C6: variants seen among roughly 807,000 people sequenced by gnomAD.
The protein encoded by C6 is complement component C6.
Under a neutral mutation model 112.9 loss-of-function variants are expected in C6, and 101 were observed. The observed-to-expected ratio is 0.89, with a 90% CI of 0.76 to 1.06. C6 has a LOEUF of 1.06. Among genes scored for constraint, C6 ranks in the 50% least tolerant of loss-of-function variants. C6 has a pLI of 0.00. For synonymous variants in C6, 431 were observed against 384.1 expected, an observed-to-expected ratio of 1.12 and a Z score of -1.43; for missense variants, 1,202 against 1,104.6, an observed-to-expected ratio of 1.09 and a Z score of -1.25.
At chr5:41,244,772 A>G (rs913871592) in intron 1 of C6, among the ~76,000 whole-genome samples, 2 of 152,142 alleles carry the variant, frequency 1.3e-5, no homozygotes, top group African/African-American at 4.8e-5. Context: ...AGTTAATATC[A>G]CAAAATTCAA....
chr5:41,144,341 C>T (rs1745614649), intron 17 of C6, among the ~76,000 whole-genome samples: 1 of 152,068 alleles, frequency 6.6e-6, no homozygotes, highest in Non-Finnish European at 1.5e-5. Flanking sequence ...AATCATGGCT[C>T]ACTGCACCCT....
At chr5:41,199,075 A>G (rs1254097471) in intron 4 of C6, among the ~76,000 whole-genome samples, 1 of 152,176 alleles carries the variant, frequency 6.6e-6, no homozygotes, top group East Asian at 1.9e-4. Flanking sequence ...AAAAGCTGGC[A>G]AAGCTGAGGG....
chr5:41,241,158 G>T (rs1236517441), intron 1 of C6, among the ~76,000 whole-genome samples: 1 of 152,182 alleles, frequency 6.6e-6, no homozygotes, highest in African/African-American at 2.4e-5. Context: ...CCCAGCAGCA[G>T]CAGGCTATCC....
intron 1 of C6, among the ~76,000 whole-genome samples, chr5:41,257,643 G>A (rs1208031400): frequency 6.6e-6 from 1 of 152,118 alleles, no homozygotes; most frequent in African/African-American, 2.4e-5. Flanking sequence ...TATGAAAGTA[G>A]AAGCCATCGG....
rs145721411 is a variant in C6 at position 41,228,586 on chromosome 5, G to A, written c.-20-25336C>T. ...CACTGTTGAGTATGATTTTAGCTGTGGGTTTGTCACATATGGTCTTTACTG... is the reference window on the plus strand; with the variant it reads ...CACTGTTGAGTATGATTTTAGCTGTAGGTTTGTCACATATGGTCTTTACTG... On this transcript the variant is annotated intron_variant, in intron 1 of 17. Coordinates refer to the C6 transcript ENST00000263413. Among the ~76,000 whole-genome samples the A allele has an allele frequency of 3.6e-3, 554 of 152,188 alleles. 3 individuals are homozygous for A. Among genetic ancestry groups the A allele is most frequent in the African/African-American group, 0.013 (537 of 41,540 alleles).
At chr5:41,228,962 G>T (rs1391033290) in intron 1 of C6, among the ~76,000 whole-genome samples, 1 of 152,060 alleles carries the variant, frequency 6.6e-6, no homozygotes, top group Non-Finnish European at 1.5e-5. Flanking sequence ...TTAGGCTAAT[G>T]CTTACATTGT....
intron 9 of C6, among the ~76,000 whole-genome samples, chr5:41,163,077 G>C (rs1747671056): frequency 6.6e-6 from 1 of 151,808 alleles, no homozygotes; most frequent in East Asian, 1.9e-4. Flanking sequence ...TGTTCCATTA[G>C]CTTACTCTCA....
intron 1 of C6, among the ~76,000 whole-genome samples, chr5:41,207,775 A>G (rs1751555889): frequency 6.6e-6 from 1 of 152,164 alleles, no homozygotes; most frequent in East Asian, 1.9e-4. Flanking sequence ...ACACAATAAT[A>G]ATGGGAGATT....
At chr5:41,209,766 A>G (rs1751742910) in intron 1 of C6, among the ~76,000 whole-genome samples, 3 of 152,228 alleles carry the variant, frequency 2.0e-5, no homozygotes, top group Non-Finnish European at 4.4e-5. Flanking sequence ...AGGAAGAATC[A>G]ATATCGTGAA....
chr5:41,216,071 A>G (rs888094266), upstream of C6, among the ~76,000 whole-genome samples: 2 of 152,158 alleles, frequency 1.3e-5, no homozygotes, highest in Non-Finnish European at 1.5e-5. Flanking sequence ...CATAGATCAA[A>G]ACTCTCAAAT....
At chr5:41,199,743 T>G in intron 4 of C6, 25 bp downstream of exon 4, 1 of 1,611,878 alleles carries the variant, frequency 6.2e-7, no homozygotes, top group Non-Finnish European at 8.5e-7. Context: ...TAGTGGGGAC[T>G]GAACATTTCA....
intron 13 of C6, 96 bp from the exon 14 acceptor site, chr5:41,155,200 G>T (rs1746782292): frequency 1.7e-6 from 2 of 1,161,434 alleles, no homozygotes; most frequent in African/African-American, 1.5e-5. Flanking sequence ...TTCACTTCTG[G>T]ATCTACTCAG....
chr5:41,159,027 A>G, intron 12 of C6, 55 bp downstream of exon 12: 1 of 1,573,416 alleles, frequency 6.4e-7, no homozygotes, highest in Non-Finnish European at 8.7e-7. Context: ...TGAACTCTCA[A>G]TGTTATTGAG....
chr5:41,172,501 T>C (rs1748513583), intron 8 of C6, 154 bp from the exon 9 acceptor site: 1 of 754,788 alleles, frequency 1.3e-6, no homozygotes, highest in Non-Finnish European at 2.3e-6. Flanking sequence ...CTCAAGTTAG[T>C]TTTACCTATA....
chr5:41,200,891 GTTTTTTTTTTTTTTT>G (rs143443464), intron 3 of C6, among the ~76,000 whole-genome samples: 1 of 70,670 alleles, frequency 1.4e-5, no homozygotes, highest in Non-Finnish European at 2.4e-5. Flanking sequence ...TGTTGTTGTT[GTTTTTTTTTTTTTTT>G]TTTTTTTTTT....
chr5:41,212,211 G>A (rs1751987216), intron 1 of C6, among the ~76,000 whole-genome samples: 1 of 151,766 alleles, frequency 6.6e-6, no homozygotes, highest in Admixed American at 6.6e-5. Context: ...ACCCAGGCTG[G>A]ACTGCAGTGG....
In C6 at chr5:41,186,144, A is replaced by G. The variant is rs756731027; in HGVS notation, c.652T>C (p.Cys218Arg). ...VLDNSFTGGI[C>R]KTVKSSRTSN... is the part of the protein sequence containing the mutation. ...GTCCTACTGCTTTTGACAGTTTTAC[A>G]TATTCCTCCAGTGAAAGAGTTATCA... Residue 218 changes from cysteine (C) to arginine (R), a missense_variant, in exon 6 of 18, where the codon TGT becomes CGT. Cys to Arg is a radical substitution (Grantham distance 180, BLOSUM62 -3). Coordinates refer to ENST00000337836, the MANE Select transcript of C6 (RefSeq NM_000065.5). 2.5e-6 allele frequency: 4 copies of G among 1,613,980 alleles called. No homozygotes were observed. The highest frequency in any genetic ancestry group is 2.2e-5 in the South Asian group (2 of 91,084).
At chr5:41,186,965 T>TGGGG (rs1424536411) in intron 5 of C6, among the ~76,000 whole-genome samples, 1 of 152,100 alleles carries the variant, frequency 6.6e-6, no homozygotes, top group Non-Finnish European at 1.5e-5. Flanking sequence ...TTCTAAGAGA[T>TGGGG]ATTAATATGT....
rs778982353 is a variant in C6 at position 41,199,878 on chromosome 5, AACTG to A, written c.331_334del (p.Gln111LeufsTer11). 44 of 1,613,640 alleles carry A rather than the reference AACTG, an allele frequency of 2.7e-5. No homozygotes were observed. On this transcript the variant is annotated frameshift_variant, in exon 4 of 18. Transcript: ENST00000337836. LOFTEE classifies it high-confidence loss of function. Reference sequence around the variant, plus strand: ...AGGCGCAGTGCATGGCTGTCCCCCAAACTGACTGGGACGCAAGACAGATCTAACT... The same window carrying A: ...AGGCGCAGTGCATGGCTGTCCCCCAAACTGGGACGCAAGACAGATCTAACT...
Sources: gnomAD v4.1 joint callset for allele counts (sites outside exome capture counted in the v4.1 genomes callset) on GRCh38, gnomAD v4.1.1 for gene constraint, MANE v1.5 for transcripts, NCBI Gene and HGNC (gene_info 2026-07-23, HGNC 2026-07-21) for gene names.